SOX5: variants seen among roughly 807,000 people sequenced by gnomAD.
SOX5 encodes the protein transcription factor SOX-5.
In SOX5, 9 loss-of-function variants were observed where a neutral mutation model predicts 92.0. That is an observed-to-expected ratio of 0.10 (90% CI 0.06 to 0.17). SOX5 has a LOEUF of 0.17. Among genes scored for constraint, SOX5 ranks in the 10% least tolerant of loss-of-function variants. The pLI is 1.00. For missense variants in SOX5, 642 were observed against 944.5 expected, an observed-to-expected ratio of 0.68 and a Z score of 4.20; for synonymous variants, 344 against 336.3, an observed-to-expected ratio of 1.02 and a Z score of -0.25.
At chr12:23,542,446 T>G (rs1000164788) in intron 13 of SOX5, among the ~76,000 whole-genome samples, 1 of 152,142 alleles carries the variant, frequency 6.6e-6, no homozygotes, top group Non-Finnish European at 1.5e-5. Flanking sequence ...TCTTCTTTTT[T>G]TCTTTTTCCC....
rs1233112500 is a variant in SOX5 at position 24,111,068 on chromosome 12, T to C, written c.-2+102275A>G. ...ACTGTGATATGCATTGTAGGGGGTA[T>C]AGCAGCATCTCTGGCCTCTCTACAC... On this transcript the variant is annotated intron_variant, in intron 4 of 4. Coordinates refer to the SOX5 transcript ENST00000446891. Among the ~76,000 whole-genome samples, 5 of 152,062 alleles carry C rather than the reference T, an allele frequency of 3.3e-5. No homozygotes were observed. In the South Asian group the frequency reaches 6.2e-4, roughly 19 times the overall value.
At chr12:24,381,292 A>G (rs1464436703) in intron 1 of SOX5, among the ~76,000 whole-genome samples, 1 of 152,258 alleles carries the variant, frequency 6.6e-6, no homozygotes, top group Non-Finnish European at 1.5e-5. Context: ...AATATCAATT[A>G]GACTGTTAAC....
chr12:23,534,570 T>C (rs1194060531), intron 14 of SOX5, 48 bp from the exon 15 acceptor site: 1 of 1,464,254 alleles, frequency 6.8e-7, no homozygotes, highest in Non-Finnish European at 9.4e-7. Context: ...AAGTGAATAG[T>C]TAGATGTGGA....
intron 6 of SOX5, among the ~76,000 whole-genome samples, chr12:23,684,397 A>G (rs1354575104): frequency 1.3e-5 from 2 of 151,966 alleles, no homozygotes; most frequent in Non-Finnish European, 2.9e-5. Context: ...AAATATTCAC[A>G]AGATCTATTG....
Position 24,541,449 on chromosome 12 carries a change from T to C in SOX5, c.-251+20880A>G, listed in dbSNP as rs1453266057. Among the ~76,000 whole-genome samples the C allele has an allele frequency of 3.3e-5, 5 of 152,240 alleles. No homozygotes were observed. The South Asian group carries it at 8.3e-4, about 25-fold the overall frequency. On this transcript the variant is annotated intron_variant, in intron 1 of 4. Transcript: ENST00000446891. ...GTAGTTACAAAAGTTGTTTCATCAA[T>C]ATGACTATGACAATGGGACTCAATA... is the stretch of plus-strand genomic sequence containing the variant.
In SOX5 at chr12:23,979,702, TTTTTG is replaced by T. The variant is rs1268245718; in HGVS notation, c.-1-83683_-1-83679del. Among the ~76,000 whole-genome samples, 242 of 78,558 alleles carry T rather than the reference TTTTTG, an allele frequency of 3.1e-3. 57 individuals carry two copies. The highest frequency in any genetic ancestry group is 0.019 in the East Asian group (34 of 1,792). 51.5% of individuals were successfully genotyped at this position (78,558 alleles called of 152,430 possible). The stretch of plus-strand genomic sequence containing the variant: ...TCCTTCCATATATATATATATGTTT[TTTTTG>T]TTTTTTTTTTTTTTTTTTTTTTTTT... On this transcript the variant is annotated intron_variant, in intron 4 of 4. Transcript: ENST00000446891.
chr12:24,117,799 C>A (rs979125890), intron 4 of SOX5, among the ~76,000 whole-genome samples: 2 of 151,940 alleles, frequency 1.3e-5, no homozygotes, highest in Non-Finnish European at 2.9e-5. Flanking sequence ...GTGGGCAGAG[C>A]ACTTGAGGCG....
Position 23,906,057 on chromosome 12 carries a change from T to G in SOX5, c.39-10033A>C, listed in dbSNP as rs575887572. On this transcript the variant is annotated intron_variant, in intron 1 of 14. Transcript: ENST00000451604. ...TTTTAAGTATCGAAGAGAAATTTCT[T>G]TTAAGTTATAGATAAAATGACCAAA... Among the ~76,000 whole-genome samples the G allele has an allele frequency of 2.0e-5, 3 of 152,328 alleles. No homozygotes were observed. In the South Asian group the frequency reaches 6.2e-4, roughly 32 times the overall value.
chr12:23,723,911 T>C (rs1466508102), intron 6 of SOX5, among the ~76,000 whole-genome samples: 1 of 152,132 alleles, frequency 6.6e-6, no homozygotes, highest in Non-Finnish European at 1.5e-5. Flanking sequence ...AAAGAGATGA[T>C]ATTTATCTAT....
intron 1 of SOX5, among the ~76,000 whole-genome samples, chr12:24,387,363 T>C (rs1473455255): frequency 6.6e-6 from 1 of 152,208 alleles, no homozygotes; most frequent in East Asian, 1.9e-4. Context: ...TTTTTTGCAA[T>C]TTTTTAAAGC....
intron 4 of SOX5, among the ~76,000 whole-genome samples, chr12:24,024,859 G>A (rs1184191885): frequency 6.6e-6 from 1 of 151,916 alleles, no homozygotes; most frequent in Non-Finnish European, 1.5e-5. Flanking sequence ...GATTTTCACT[G>A]AGCCAAGTAG....
At chr12:23,595,867 A>G (rs1489631845) in intron 9 of SOX5, among the ~76,000 whole-genome samples, 1 of 152,164 alleles carries the variant, frequency 6.6e-6, no homozygotes, top group East Asian at 1.9e-4. Context: ...AGGCCTCACC[A>G]CTAAGCAATA....
At chr12:23,846,524 G>A (rs1288808957) in intron 2 of SOX5, among the ~76,000 whole-genome samples, 5 of 152,088 alleles carry the variant, frequency 3.3e-5, no homozygotes, top group Non-Finnish European at 5.9e-5. Context: ...AGTCCTATAC[G>A]AAGCCTATAT....
At chr12:23,939,185 T>A (rs140535907) in intron 1 of SOX5, among the ~76,000 whole-genome samples, 31 of 151,198 alleles carry the variant, frequency 2.1e-4, no homozygotes, top group African/African-American at 7.5e-4. Flanking sequence ...TAATTCTTGA[T>A]TTAGAAACTG....
chr12:23,556,675 C>G (rs1945228937), intron 11 of SOX5, among the ~76,000 whole-genome samples: 1 of 152,206 alleles, frequency 6.6e-6, no homozygotes, highest in African/African-American at 2.4e-5. Flanking sequence ...TTATAATTCA[C>G]TTTAGCTAAA....
intron 4 of SOX5, among the ~76,000 whole-genome samples, chr12:24,011,837 G>T (rs1482948672): frequency 1.3e-5 from 2 of 152,138 alleles, no homozygotes; most frequent in South Asian, 4.2e-4. Context: ...CTTCCTAAAC[G>T]AATGAGTATT....
At chr12:23,589,809 A>G (rs1483381301) in intron 9 of SOX5, among the ~76,000 whole-genome samples, 1 of 152,004 alleles carries the variant, frequency 6.6e-6, no homozygotes, top group Non-Finnish European at 1.5e-5. Context: ...GATCCAAACC[A>G]TTGACCTTTG....
intron 3 of SOX5, among the ~76,000 whole-genome samples, chr12:24,254,381 T>C (rs898630673): frequency 2.7e-5 from 4 of 148,884 alleles, no homozygotes; most frequent in Admixed American, 6.6e-5. Flanking sequence ...CCATTGTAAG[T>C]TGTAAAAAAA....
At chr12:24,025,442 G>C (rs1029697597) in intron 4 of SOX5, among the ~76,000 whole-genome samples, 1 of 152,032 alleles carries the variant, frequency 6.6e-6, no homozygotes, top group Non-Finnish European at 1.5e-5. Flanking sequence ...TAGTTCTCTT[G>C]CTTAAACATC....
Sources: gnomAD v4.1 joint callset for allele counts (sites outside exome capture counted in the v4.1 genomes callset) on GRCh38, gnomAD v4.1.1 for gene constraint, MANE v1.5 for transcripts, NCBI Gene and HGNC (gene_info 2026-07-23, HGNC 2026-07-21) for gene names.